HS2ST1: variants seen among roughly 807,000 people sequenced by gnomAD.
HS2ST1 encodes the protein 2-O-sulfotransferase.
HS2ST1 carries 18 observed loss-of-function variants against 42.9 expected under a neutral mutation model. The ratio of observed to expected loss-of-function variants is 0.42; its 90% confidence interval spans 0.29 to 0.62. The LOEUF is 0.62. Ranked by LOEUF, HS2ST1 falls within the 20% of genes least tolerant of loss-of-function variation. The probability of loss-of-function intolerance (pLI) is 0.21; values close to 1 mark genes in which losing one functional copy is unlikely to be tolerated. For missense variants in HS2ST1, 334 were observed against 433.8 expected, an observed-to-expected ratio of 0.77 and a Z score of 2.04; for synonymous variants, 146 against 152.9, an observed-to-expected ratio of 0.95 and a Z score of 0.33.
intron 1 of HS2ST1, among the ~76,000 whole-genome samples, chr1:87,022,875 G>A (rs1179647873): frequency 6.6e-6 from 1 of 152,114 alleles, no homozygotes; most frequent in Non-Finnish European, 1.5e-5. Context: ...ATTCAAAATG[G>A]GTTGGAAACT....
At chr1:86,979,345 A>AT (rs1347027818) in intron 1 of HS2ST1, among the ~76,000 whole-genome samples, 1 of 152,138 alleles carries the variant, frequency 6.6e-6, no homozygotes, top group Non-Finnish European at 1.5e-5. Flanking sequence ...TGTACCCATT[A>AT]AACAATAACT....
At chr1:87,005,409 TATTAA>T (rs138446726) in intron 1 of HS2ST1, among the ~76,000 whole-genome samples, 4,117 of 152,206 alleles carry the variant, frequency 0.027, 188 homozygotes, top group African/African-American at 0.093. Context: ...TAAATCATTA[TATTAA>T]ATTATAAAGT....
chr1:86,989,721 G>T (rs1243425945), intron 1 of HS2ST1, among the ~76,000 whole-genome samples: 8 of 152,008 alleles, frequency 5.3e-5, no homozygotes. Flanking sequence ...CCCTTGCCTA[G>T]CCCCCTAGCC....
chr1:86,981,760 T>A (rs1348537673), intron 1 of HS2ST1, among the ~76,000 whole-genome samples: 5 of 152,210 alleles, frequency 3.3e-5, no homozygotes, highest in Non-Finnish European at 7.3e-5. Flanking sequence ...TGGCATTGAG[T>A]GCCTGCAGCG....
At chr1:87,022,883 A>G (rs186890478) in intron 1 of HS2ST1, among the ~76,000 whole-genome samples, 13 of 152,306 alleles carry the variant, frequency 8.5e-5, no homozygotes, top group Admixed American at 8.5e-4. Context: ...TGGGTTGGAA[A>G]CTTGTAACAA....
chr1:86,925,703 C>T (rs1660402653), intron 1 of HS2ST1, among the ~76,000 whole-genome samples: 1 of 152,220 alleles, frequency 6.6e-6, no homozygotes, highest in Non-Finnish European at 1.5e-5. Context: ...TTCCCTCCTG[C>T]AACACATGTG....
At chr1:87,040,967 A>G (rs1650505973) in intron 1 of HS2ST1, among the ~76,000 whole-genome samples, 1 of 152,252 alleles carries the variant, frequency 6.6e-6, no homozygotes, top group East Asian at 1.9e-4. Flanking sequence ...GAATTTACCC[A>G]TCAGATTCAT....
At chr1:86,968,775 C>G (rs531128985) in intron 1 of HS2ST1, among the ~76,000 whole-genome samples, 1 of 152,004 alleles carries the variant, frequency 6.6e-6, no homozygotes, top group South Asian at 2.1e-4. Flanking sequence ...TTACTTTAAT[C>G]ATTTGTTTAA....
chr1:86,987,292 T>C (rs1648815301), intron 1 of HS2ST1, among the ~76,000 whole-genome samples: 1 of 151,788 alleles, frequency 6.6e-6, no homozygotes, highest in Admixed American at 6.6e-5. Flanking sequence ...TCCAGGCTGG[T>C]CTCGAACTCC....
intron 2 of HS2ST1, among the ~76,000 whole-genome samples, chr1:87,076,859 C>G (rs559961674): frequency 2.0e-5 from 3 of 152,204 alleles, no homozygotes; most frequent in Non-Finnish European, 4.4e-5. Flanking sequence ...ATTGGAAATA[C>G]CTAGAATTTG....
At chr1:87,017,237 A>T (rs1443386805) in intron 1 of HS2ST1, among the ~76,000 whole-genome samples, 1 of 152,080 alleles carries the variant, frequency 6.6e-6, no homozygotes, top group Non-Finnish European at 1.5e-5. Context: ...CCCAGGTTCA[A>T]GCGATTCTCC....
intron 1 of HS2ST1, among the ~76,000 whole-genome samples, chr1:86,919,215 G>A (rs913065207): frequency 2.0e-5 from 3 of 152,040 alleles, no homozygotes; most frequent in Non-Finnish European, 4.4e-5. Context: ...AAAATGCTGG[G>A]ATTACAGGCA....
chr1:87,104,807 T>C lies in HS2ST1; in HGVS notation c.*111T>C. On this transcript the variant is annotated 3_prime_UTR_variant, in exon 7 of 7. Transcript: ENST00000370550. ...CAGTAGGTGTATATGACAATTTGTA[T>C]TGAGCCAAATTAGGAAACAGACAGT... 1.6e-6 allele frequency: 1 copy of C among 636,066 alleles called. No individual in the cohort carries two copies. The allele number at this position is 636,066 out of a possible 1,614,324, so 39.4% of individuals were successfully genotyped here.
chr1:87,017,299 G>C (rs1158777441), intron 1 of HS2ST1, among the ~76,000 whole-genome samples: 1 of 152,120 alleles, frequency 6.6e-6, no homozygotes, highest in African/African-American at 2.4e-5. Flanking sequence ...ACCATGTCCA[G>C]CTAATTTTTG....
chr1:86,948,456 T>G (rs1647401948), intron 1 of HS2ST1, among the ~76,000 whole-genome samples: 1 of 152,192 alleles, frequency 6.6e-6, no homozygotes, highest in Non-Finnish European at 1.5e-5. Flanking sequence ...CCTGCCAAGT[T>G]TGCTGTTTAA....
At chr1:87,022,967 C>T (rs1038488740) in intron 1 of HS2ST1, among the ~76,000 whole-genome samples, 4 of 152,086 alleles carry the variant, frequency 2.6e-5, no homozygotes, top group Non-Finnish European at 5.9e-5. Context: ...GTAGGAGGTA[C>T]GTATGATTTG....
intron 1 of HS2ST1, among the ~76,000 whole-genome samples, chr1:87,066,497 C>T (rs894864423): frequency 2.0e-5 from 3 of 152,146 alleles, no homozygotes; most frequent in Non-Finnish European, 4.4e-5. Flanking sequence ...GGGCACCACT[C>T]CCCACCCCTG....
At chr1:87,047,714 A>G (rs143637910) in intron 1 of HS2ST1, among the ~76,000 whole-genome samples, 20 of 152,258 alleles carry the variant, frequency 1.3e-4, no homozygotes, top group African/African-American at 2.9e-4. Context: ...TCTAAAATCA[A>G]TTGATCATAT....
Position 87,084,206 on chromosome 1 carries a change from A to G in HS2ST1, c.376A>G (p.Lys126Glu), listed in dbSNP as rs541358577. ...MSLQDQVRFV[K>E]NITSWKEMKP... is the part of the protein sequence containing the mutation. ...TCTCCCTTTTTAGGTGCGCTTTGTA[A>G]AGAATATAACTTCCTGGAAAGAGAT... Residue 126 changes from lysine (K) to glutamate (E), a missense_variant, in exon 3 of 7, where the codon AAG becomes GAG. Transcript: ENST00000370550. 13 of 1,596,522 alleles carry G rather than the reference A, an allele frequency of 8.1e-6. No individual in the cohort carries two copies. Among genetic ancestry groups the G allele is most frequent in the Admixed American group, 3.5e-5 (2 of 57,392 alleles).
Sources: allele counts gnomAD v4.1 joint callset (sites outside exome capture counted in the v4.1 genomes callset), GRCh38; gene constraint gnomAD v4.1.1; transcripts MANE v1.5; gene names NCBI Gene and HGNC (gene_info 2026-07-23, HGNC 2026-07-21).